The following CUL2 variants were observed in gnomAD, a reference collection of about 807,000 sequenced individuals.
CUL2 encodes cullin-2.
CUL2 carries 22 observed loss-of-function variants against 110.2 expected under a neutral mutation model. That is an observed-to-expected ratio of 0.20 (90% CI 0.14 to 0.28). CUL2 has a LOEUF of 0.28. Ranked by LOEUF, CUL2 falls within the 10% of genes least tolerant of loss-of-function variation. The probability of loss-of-function intolerance (pLI) is 1.00; values close to 1 mark genes in which losing one functional copy is unlikely to be tolerated. For missense variants in CUL2, 631 were observed against 905.5 expected, an observed-to-expected ratio of 0.70 and a Z score of 3.89; for synonymous variants, 279 against 293.2, an observed-to-expected ratio of 0.95 and a Z score of 0.49.
intron 1 of CUL2, among the ~76,000 whole-genome samples, chr10:35,109,567 G>C (rs1480601495): frequency 1.3e-5 from 2 of 152,198 alleles, no homozygotes; most frequent in Non-Finnish European, 2.9e-5. Context: ...AAGGCCATTA[G>C]GCAAGGATTT....
Position 35,010,120 on chromosome 10 carries a change from G to T in CUL2, c.*191C>A. The T allele has an allele frequency of 1.1e-5, 4 of 372,888 alleles. No individual in the cohort carries two copies. The highest frequency in any genetic ancestry group is 1.8e-5 in the Non-Finnish European group (4 of 218,850). The allele number at this position is 372,888 out of a possible 1,614,324, so 23.1% of individuals were successfully genotyped here. ...ATAAAGTTTTAAGAAATGTCATAAT[G>T]ACATGAGCTTGAAATATCTCTAGGC... On this transcript the variant is annotated 3_prime_UTR_variant, in exon 21 of 21. Coordinates refer to ENST00000374749, the MANE Select transcript of CUL2 (RefSeq NM_003591.4).
chr10:35,116,177 T>C (rs1016719473), intron 1 of CUL2, among the ~76,000 whole-genome samples: 16 of 152,004 alleles, frequency 1.1e-4, no homozygotes, highest in Admixed American at 7.9e-4. Flanking sequence ...ACTCTGTCTC[T>C]ACTAAAAATA....
At position 35,009,496 on chromosome 10, in the gene CUL2, G is replaced by A. The variant is rs560449269; in HGVS notation, c.*815C>T. The A allele has an allele frequency of 6.6e-6, 1 of 151,280 alleles. No homozygotes were observed. The highest frequency in any genetic ancestry group is 6.6e-5 in the Admixed American group (1 of 15,258). The allele number at this position is 151,280 out of a possible 1,614,324, so 9.4% of individuals were successfully genotyped here. On this transcript the variant is annotated 3_prime_UTR_variant, in exon 21 of 21. Coordinates refer to ENST00000374749, the MANE Select transcript of CUL2 (RefSeq NM_003591.4). Reference sequence around the variant, plus strand: ...AGAATTAATGGATTATGCAACCGAAGAAAGACAACTTTTGAATGAAAAGCT... The same window carrying A: ...AGAATTAATGGATTATGCAACCGAAAAAAGACAACTTTTGAATGAAAAGCT...
chr10:35,011,018 CAATG>C (rs1036814036), intron 20 of CUL2, among the ~76,000 whole-genome samples: 2 of 152,000 alleles, frequency 1.3e-5, no homozygotes, highest in Non-Finnish European at 2.9e-5. Flanking sequence ...ACAGAAGACT[CAATG>C]AATCAGCAAG....
At chr10:35,082,325 A>T (rs1039750280) in intron 1 of CUL2, among the ~76,000 whole-genome samples, 3 of 152,200 alleles carry the variant, frequency 2.0e-5, no homozygotes, top group Admixed American at 6.5e-5. Flanking sequence ...GGTCCTATTT[A>T]AACAAAAGTA....
intron 1 of CUL2, among the ~76,000 whole-genome samples, chr10:35,125,974 C>G (rs1326577170): frequency 6.6e-6 from 1 of 152,158 alleles, no homozygotes; most frequent in Non-Finnish European, 1.5e-5. Context: ...GGACTACAGG[C>G]GTCTGCCACC....
intron 17 of CUL2, among the ~76,000 whole-genome samples, chr10:35,016,926 CAA>C (rs1427211253): frequency 3.3e-5 from 2 of 60,966 alleles, no homozygotes; most frequent in Non-Finnish European, 6.9e-5. Flanking sequence ...GACTCTGTCT[CAA>C]AAAAAAAAAA....
In CUL2 at chr10:35,060,819, C is replaced by T. The variant is rs2086362824; in HGVS notation, c.317+55G>A. On this transcript the variant is annotated intron_variant, in intron 4 of 20. Transcript: ENST00000374749. Reference sequence around the variant, plus strand: ...GGCAATAAAAAAATTATCCTGTCAACTACTGAATGCAGGCAACGCTGCTTA... The same window carrying T: ...GGCAATAAAAAAATTATCCTGTCAATTACTGAATGCAGGCAACGCTGCTTA... 1.6e-5 allele frequency: 22 copies of T among 1,377,356 alleles called. 1 individual carries two copies. In the South Asian group the frequency reaches 2.6e-4, roughly 16 times the overall value. The allele number at this position is 1,377,356 out of a possible 1,614,324, so 85.3% of individuals were successfully genotyped here. A position where few individuals can be genotyped will look rare whatever the true frequency, so the allele number is the denominator to read the frequency against.
chr10:35,124,565 G>A (rs1043409658), intron 1 of CUL2, among the ~76,000 whole-genome samples: 1 of 152,180 alleles, frequency 6.6e-6, no homozygotes, highest in Non-Finnish European at 1.5e-5. Context: ...GATGGCAAGG[G>A]ATGGAACAGT....
Position 35,126,129 on chromosome 10 carries a change from TAAA to T in CUL2, c.-51+473_-51+475del, listed in dbSNP as rs79523600. On this transcript the variant is annotated intron_variant, in intron 1 of 5. Transcript: ENST00000685421. ...GAGCCCCCGGCCGACCTTTCTAATC[TAAA>T]AAAAAAAAAAGAGATGAAGTCTCAC... is the stretch of plus-strand genomic sequence containing the variant. Among the ~76,000 whole-genome samples, 379 of 142,452 alleles carry T rather than the reference TAAA, an allele frequency of 2.7e-3. 3 individuals carry two copies. The highest frequency in any genetic ancestry group is 9.4e-3 in the African/African-American group (367 of 39,108). 93.5% of individuals were successfully genotyped at this position (142,452 alleles called of 152,430 possible).
chr10:35,048,437 C>G (rs1008575898), intron 6 of CUL2, among the ~76,000 whole-genome samples: 2 of 151,984 alleles, frequency 1.3e-5, no homozygotes, highest in Non-Finnish European at 2.9e-5. Flanking sequence ...TAAAAATTTA[C>G]TAGGTTGGGA....
chr10:35,095,462 G>A (rs773327348), upstream of CUL2, among the ~76,000 whole-genome samples: 18 of 151,936 alleles, frequency 1.2e-4, no homozygotes, highest in South Asian at 2.1e-4. Context: ...ATTTTTATAC[G>A]TATCAGAACA....
rs2085706240 is a variant in CUL2 at position 35,038,972 on chromosome 10, T to A, written c.825A>T (p.Leu275Phe). ...TATGACATTCTGCATGTAAAAACTG[T>A]AAGTGGTCTGCTACCATTCGTTGTT... Reference protein sequence around the residue: ...ECQQRMVADHLQFLHAECHNI... With the variant: ...ECQQRMVADHFQFLHAECHNI... Residue 275 changes from leucine (L) to phenylalanine (F), a missense_variant, in exon 9 of 21, where the codon TTA (leucine) becomes TTT (phenylalanine). By Grantham distance (22) the Leu-to-Phe change is conservative. Transcript: ENST00000374749. 1.2e-6 allele frequency: 2 copies of A among 1,609,290 alleles called. No individual in the cohort carries two copies. Among genetic ancestry groups the A allele is most frequent in the Admixed American group, 1.7e-5 (1 of 59,592 alleles).
rs2085707106 is a variant in CUL2 at position 35,039,003 on chromosome 10, T to C, written c.794A>G (p.Glu265Gly). ...HPSSYTKVIH[E>G]CQQRMVADHL... ...GTCTGCTACCATTCGTTGTTGACAT[T>C]CATGAATCACCTTAGTATATGAACT... The change falls in exon 9 of 21, where the codon GAA (glutamate) becomes GGA (glycine). Residue 265 changes from glutamate (E) to glycine (G), a missense_variant. Glu to Gly is a moderately conservative substitution (Grantham distance 98). Coordinates refer to ENST00000374749, the MANE Select transcript of CUL2 (RefSeq NM_003591.4). 1.2e-6 allele frequency: 2 copies of C among 1,609,518 alleles called. No individual in the cohort carries two copies. Among genetic ancestry groups the C allele is most frequent in the Non-Finnish European group, 8.5e-7 (1 of 1,177,004 alleles).
Position 35,016,178 on chromosome 10 carries a change from A to C in CUL2, c.1887+14T>G, listed in dbSNP as rs1012210229. Reference sequence around the variant, plus strand: ...GCTGATGATGCTTAAATTCTTTGGAATATTACTACATACCTTTTCTGAATC... The same window carrying C: ...GCTGATGATGCTTAAATTCTTTGGACTATTACTACATACCTTTTCTGAATC... On this transcript the variant is annotated intron_variant, in intron 18 of 20. Coordinates refer to ENST00000374749, the MANE Select transcript of CUL2 (RefSeq NM_003591.4). The C allele has an allele frequency of 6.2e-7, 1 of 1,600,400 alleles. No individual in the cohort carries two copies. Among genetic ancestry groups the C allele is most frequent in the African/African-American group, 1.3e-5 (1 of 74,704 alleles).
rs1206737816 is a variant in CUL2 at position 35,013,059 on chromosome 10, G to A, written c.1989+640C>T. On this transcript the variant is annotated intron_variant, in intron 19 of 20. Transcript: ENST00000374749. Reference sequence around the variant, plus strand: ...TTTTCTTTGAAAGAAATGAGCTGTAGGCCAGGCGCGGTGGTTCACACCTGT... The same window carrying A: ...TTTTCTTTGAAAGAAATGAGCTGTAAGCCAGGCGCGGTGGTTCACACCTGT... 2.6e-5 allele frequency among the ~76,000 whole-genome samples: 4 copies of A among 152,108 alleles called. No homozygotes were observed. In the East Asian group the frequency reaches 7.7e-4, roughly 29 times the overall value.
Position 35,049,889 on chromosome 10 carries a change from A to T in CUL2, c.424-124T>A, listed in dbSNP as rs930662060. 9.2e-5 allele frequency: 54 copies of T among 589,410 alleles called. 1 individual carries two copies. In the East Asian group the frequency reaches 1.6e-3, roughly 18 times the overall value. The allele number at this position is 589,410 out of a possible 1,614,324, so 36.5% of individuals were successfully genotyped here. On this transcript the variant is annotated intron_variant, in intron 5 of 20. Transcript: ENST00000374749. ...TATTTATACTAATACTTCAAAATTCAAATAAAACCTGAACAAAAATTTAAA... is the reference window on the plus strand; with the variant it reads ...TATTTATACTAATACTTCAAAATTCTAATAAAACCTGAACAAAAATTTAAA...
In CUL2 at chr10:35,013,717, C is replaced by A; in HGVS notation, c.1971G>T (p.Met657Ile). ...KRTKFKITTS[M>I]QKDTPQEMEQ... is the part of the protein sequence containing the mutation. The stretch of plus-strand genomic sequence containing the variant: ...CACTTACTTGTGGTGTGTCTTTCTG[C>A]ATTGATGTAGTAATTTTAAATTTTG... Residue 657 changes from methionine to isoleucine, a missense_variant, in exon 19 of 21, where the codon ATG (methionine) becomes ATT (isoleucine). By Grantham distance (10) the Met-to-Ile change is conservative. Coordinates refer to ENST00000374749, the MANE Select transcript of CUL2 (RefSeq NM_003591.4). The A allele has an allele frequency of 1.3e-6, 2 of 1,566,038 alleles. No individual in the cohort carries two copies. Among genetic ancestry groups the A allele is most frequent in the East Asian group, 4.5e-5 (2 of 44,148 alleles).
intron 4 of CUL2, among the ~76,000 whole-genome samples, chr10:35,054,884 G>A (rs2086204720): frequency 6.6e-6 from 1 of 152,038 alleles, no homozygotes; most frequent in African/African-American, 2.4e-5. Flanking sequence ...AAAGATAAAA[G>A]TCAAGTTAGC....
Sources: gnomAD v4.1 joint callset for allele counts (sites outside exome capture counted in the v4.1 genomes callset) on GRCh38, gnomAD v4.1.1 for gene constraint, MANE v1.5 for transcripts, NCBI Gene and HGNC (gene_info 2026-07-23, HGNC 2026-07-21) for gene names.